COPE: variants seen among roughly 807,000 people sequenced by gnomAD.
COPE encodes the protein coatomer subunit epsilon.
A neutral mutation model predicts 42.1 loss-of-function variants in COPE; 19 were observed. The observed-to-expected ratio is 0.45, with a 90% CI of 0.31 to 0.66. The LOEUF (loss-of-function observed/expected upper bound fraction) is 0.66, where lower values mean the gene tolerates loss of function less well. Ranked by LOEUF, COPE falls within the 30% of genes least tolerant of loss-of-function variation. The pLI is 0.05. For synonymous variants in COPE, 195 were observed against 181.3 expected (o/e 1.08, Z -0.60); for missense variants, 402 against 416.1 (o/e 0.97, Z 0.30).
At chr19:18,910,807 T>C (rs2056802378) in intron 3 of COPE, 164 bp downstream of exon 3, 1 of 638,368 alleles carries the variant, frequency 1.6e-6, no homozygotes. Flanking sequence ...GCTGTGCAGG[T>C]GAGGGAAACT....
chr19:18,909,935 A>G lies in COPE; in HGVS notation c.290+1036T>C, dbSNP rs115367455. Reference sequence around the variant, plus strand: ...AGACCCTTTTTCCAAATGATATCATATTCACAAGCATGTGGGATAGGATAT... The same window carrying G: ...AGACCCTTTTTCCAAATGATATCATGTTCACAAGCATGTGGGATAGGATAT... On this transcript the variant is annotated intron_variant, in intron 3 of 9. Coordinates refer to ENST00000262812, the MANE Select transcript of COPE (RefSeq NM_007263.4). Among the ~76,000 whole-genome samples the G allele has an allele frequency of 9.7e-3, 1,474 of 152,274 alleles. 23 individuals are homozygous for G. Among genetic ancestry groups the G allele is most frequent in the African/African-American group, 0.033 (1,389 of 41,546 alleles).
intron 1 of COPE, among the ~76,000 whole-genome samples, chr19:18,913,773 G>A (rs2056831604): frequency 6.6e-6 from 1 of 152,210 alleles, no homozygotes; most frequent in South Asian, 2.1e-4. Context: ...AAGGGGCCCA[G>A]CCACCTTGGC....
intron 1 of COPE, among the ~76,000 whole-genome samples, chr19:18,915,895 G>A (rs571428908): frequency 6.6e-6 from 1 of 152,348 alleles, no homozygotes; most frequent in African/African-American, 2.4e-5. Flanking sequence ...CGTCATGATG[G>A]TAGCCTAGTG....
At position 18,899,604 on chromosome 19, in the gene COPE, C is replaced by A; in HGVS notation, c.*75G>T. 3 of 1,535,940 alleles carry A rather than the reference C, an allele frequency of 2.0e-6. No homozygotes were observed. The highest frequency in any genetic ancestry group is 2.7e-6 in the Non-Finnish European group (3 of 1,112,962). The stretch of plus-strand genomic sequence containing the variant: ...CCCCCAGAGGGGATGCAGGTGGATG[C>A]CGGGTGGGGAGGGCTGCAGGGCTGG... On this transcript the variant is annotated 3_prime_UTR_variant, in exon 10 of 10. Coordinates refer to ENST00000262812, the MANE Select transcript of COPE (RefSeq NM_007263.4).
intron 5 of COPE, 54 bp downstream of exon 5, chr19:18,905,522 T>A: frequency 6.6e-7 from 1 of 1,522,346 alleles, no homozygotes; most frequent in East Asian, 2.4e-5. Flanking sequence ...CGCTCTGGGC[T>A]GTGACGCTCT....
At chr19:18,917,759 G>A (rs1410743240) in intron 1 of COPE, among the ~76,000 whole-genome samples, 6 of 152,090 alleles carry the variant, frequency 3.9e-5, no homozygotes, top group African/African-American at 1.4e-4. Context: ...AAATTTCTTG[G>A]GTAACTGCCA....
At chr19:18,915,563 G>C (rs923544734) in intron 1 of COPE, among the ~76,000 whole-genome samples, 2 of 152,224 alleles carry the variant, frequency 1.3e-5, no homozygotes, top group Non-Finnish European at 2.9e-5. Context: ...CGATCACCTG[G>C]GAGCCCAGGA....
rs745736917 is a variant in COPE, at chr19:18,904,826, A to T, written c.524T>A (p.Leu175Gln). 1.3e-6 allele frequency: 2 copies of T among 1,555,726 alleles called. No individual in the cohort carries two copies. The highest frequency in any genetic ancestry group is 1.7e-6 in the Non-Finnish European group (2 of 1,149,402). ...CTGGGTGAGGGTGGCATCCTCGTCC[A>T]GGTCCTGCATTCTCTTCAGCTCCTT... is the stretch of plus-strand genomic sequence containing the variant. ...ARKELKRMQD[L>Q]DEDATLTQLA... Residue 175 changes from leucine (L) to glutamine (Q), a missense_variant, in exon 6 of 10, where the codon CTG (leucine) becomes CAG (glutamine). Leu to Gln is a moderately radical substitution (Grantham distance 113, BLOSUM62 -2). Coordinates refer to ENST00000262812, the MANE Select transcript of COPE (RefSeq NM_007263.4).
chr19:18,908,925 G>GTAAGGCTC (rs1279291338), intron 3 of COPE, among the ~76,000 whole-genome samples: 1 of 152,134 alleles, frequency 6.6e-6, no homozygotes, highest in Non-Finnish European at 1.5e-5. Flanking sequence ...TTGAGCCTGG[G>GTAAGGCTC]AGATCAAGGC....
chr19:18,899,826 G>A, intron 9 of COPE, 47 bp downstream of exon 9: 1 of 1,611,028 alleles, frequency 6.2e-7, no homozygotes, highest in Non-Finnish European at 8.5e-7. Flanking sequence ...TGAGCTCCAG[G>A]CGCCCCCTGG....
intron 3 of COPE, chr19:18,910,665 G>A (rs775763155): frequency 6.1e-5 from 24 of 395,880 alleles, no homozygotes; most frequent in Non-Finnish European, 1.1e-4. Context: ...GGGTGTTGCA[G>A]AGGGCTGCTC....
At position 18,904,859 on chromosome 19, in the gene COPE, C is replaced by T. The variant is rs775143304; in HGVS notation, c.498-7G>A. On this transcript the variant is annotated splice_polypyrimidine_tract_variant and splice_region_variant and intron_variant, in intron 5 of 9. Transcript: ENST00000262812. ...CATTCTCTTCAGCTCCTTCCTGGGG[C>T]GGGGACAGATGACAGAGGGGCTGAG... 18 of 1,552,146 alleles carry T rather than the reference C, an allele frequency of 1.2e-5. No individual in the cohort carries two copies. The highest frequency in any genetic ancestry group is 4.9e-5 in the East Asian group (2 of 40,992).
At position 18,910,966 on chromosome 19, in the gene COPE, C is replaced by G; in HGVS notation, c.290+5G>C. 1 of 1,613,546 alleles carries G rather than the reference C, an allele frequency of 6.2e-7. No individual in the cohort carries two copies. Among genetic ancestry groups the G allele is most frequent in the Non-Finnish European group, 8.5e-7 (1 of 1,179,912 alleles). On this transcript the variant is annotated splice_donor_5th_base_variant and intron_variant, in intron 3 of 9. Coordinates refer to ENST00000262812, the MANE Select transcript of COPE (RefSeq NM_007263.4). ...CTCAGGCCAACCCATTCTCTGGGGC[C>G]TCACCTCCGACTCTCGTGGGCGAGG...
Position 18,904,872 on chromosome 19 carries a change from C to T in COPE, c.498-20G>A, listed in dbSNP as rs1272998487. On this transcript the variant is annotated intron_variant, in intron 5 of 9. Transcript: ENST00000262812. ...TCCTTCCTGGGGCGGGGACAGATGA[C>T]AGAGGGGCTGAGTGGCCGAGGGCCC... is the stretch of plus-strand genomic sequence containing the variant. 1 of 1,551,170 alleles carries T rather than the reference C, an allele frequency of 6.4e-7. No homozygotes were observed. The highest frequency in any genetic ancestry group is 2.0e-5 in the Admixed American group (1 of 51,030).
chr19:18,905,935 C>A (rs973348106), intron 4 of COPE: 2 of 517,116 alleles, frequency 3.9e-6, no homozygotes, highest in African/African-American at 4.0e-5. Flanking sequence ...GACTCGACAC[C>A]CTGGAGGCAT....
At chr19:18,917,849 A>G (rs761685566) in intron 1 of COPE, among the ~76,000 whole-genome samples, 12 of 152,118 alleles carry the variant, frequency 7.9e-5, no homozygotes, top group Non-Finnish European at 1.0e-4. Flanking sequence ...GTGCACTAAA[A>G]TAGGCAAGCT....
In COPE at chr19:18,907,035, G is replaced by A; in HGVS notation, c.368C>T (p.Ala123Val). ...DVTNTTFLLM[A>V]ASIYLHDQNP... ...CTGGTCGTGGAGATAGATGGAGGCG[G>A]CCATGAGCAGGAAGGTGGTGTTGGT... Residue 123 changes from alanine to valine, a missense_variant, in exon 4 of 10, where the codon GCC becomes GTC. By Grantham distance (64) the Ala-to-Val change is moderately conservative. Transcript: ENST00000262812. 2 of 1,603,456 alleles carry A rather than the reference G, an allele frequency of 1.2e-6. No homozygotes were observed. Among genetic ancestry groups the A allele is most frequent in the East Asian group, 2.2e-5 (1 of 44,456 alleles).
intron 1 of COPE, 102 bp downstream of exon 1, chr19:18,919,121 G>T: frequency 1.5e-6 from 2 of 1,331,790 alleles, no homozygotes; most frequent in South Asian, 1.3e-5. Context: ...AAAAACGCGA[G>T]AAGAAAAGAG....
At chr19:18,909,599 AC>A (rs2056792469) in intron 3 of COPE, among the ~76,000 whole-genome samples, 1 of 148,928 alleles carries the variant, frequency 6.7e-6, no homozygotes, top group Non-Finnish European at 1.5e-5. Flanking sequence ...GCTCACTGCA[AC>A]CTCTGCCTGC....
Sources: allele counts gnomAD v4.1 joint callset (sites outside exome capture counted in the v4.1 genomes callset), GRCh38; gene constraint gnomAD v4.1.1; transcripts MANE v1.5; gene names NCBI Gene and HGNC (gene_info 2026-07-23, HGNC 2026-07-21).